The following STXBP5L variants were observed in gnomAD, a reference collection of about 807,000 sequenced individuals.
STXBP5L encodes syntaxin binding protein 5L.
In STXBP5L, 65 loss-of-function variants were observed where a neutral mutation model predicts 144.5. The ratio of observed to expected loss-of-function variants is 0.45; its 90% CI spans 0.37 to 0.55. The LOEUF is 0.55. Ranked by LOEUF, STXBP5L falls within the 20% of genes least tolerant of loss-of-function variation. The probability of loss-of-function intolerance (pLI) is 0.00; values close to 1 mark genes in which losing one functional copy is unlikely to be tolerated. For synonymous variants in STXBP5L, 505 were observed against 469.6 expected (o/e 1.08, Z -0.97); for missense variants, 1,298 against 1,405.5 (o/e 0.92, Z 1.22).
rs974316584 is a variant in STXBP5L at position 121,006,771 on chromosome 3, G to T, written c.288-34929G>T. ...GTGGTGACAAAATCTCTCAGCATTT[G>T]CTTGTCTGTGAAGGATTTTATTTCA... On this transcript the variant is annotated intron_variant, in intron 3 of 26. Coordinates refer to ENST00000471454, the MANE Select transcript of STXBP5L (RefSeq NM_001308330.2). 5.9e-5 allele frequency among the ~76,000 whole-genome samples: 9 copies of T among 152,212 alleles called. No individual in the cohort carries two copies. The South Asian group carries it at 1.2e-3, about 21-fold the overall frequency.
intron 5 of STXBP5L, among the ~76,000 whole-genome samples, chr3:121,046,652 TG>T (rs1221140618): frequency 2.0e-5 from 3 of 152,142 alleles, no homozygotes; most frequent in Non-Finnish European, 4.4e-5. Flanking sequence ...TGCATAGAGG[TG>T]TTCATAGCAG....
intron 7 of STXBP5L, among the ~76,000 whole-genome samples, chr3:121,137,254 A>G (rs12633241): frequency 0.099 from 15,117 of 152,102 alleles, 1,183 homozygotes; most frequent in Admixed American, 0.2. Flanking sequence ...AATAAAAAAA[A>G]TGTTGGTTTT....
intron 3 of STXBP5L, among the ~76,000 whole-genome samples, chr3:121,029,846 C>G (rs546388947): frequency 6.6e-6 from 1 of 150,572 alleles, no homozygotes; most frequent in African/African-American, 2.4e-5. Flanking sequence ...AAAAAAAAAA[C>G]CCCATGAAAA....
intron 22 of STXBP5L, among the ~76,000 whole-genome samples, chr3:121,387,797 G>A (rs183972410): frequency 6.0e-4 from 91 of 152,228 alleles, no homozygotes; most frequent in East Asian, 3.1e-3. Flanking sequence ...TGCTGTTTTC[G>A]TTACTGTAGC....
At chr3:121,034,153 A>T (rs151243401) in intron 3 of STXBP5L, among the ~76,000 whole-genome samples, 2 of 152,104 alleles carry the variant, frequency 1.3e-5, no homozygotes, top group South Asian at 2.1e-4. Context: ...TGAAATTTAT[A>T]TACATTTAAG....
intron 7 of STXBP5L, among the ~76,000 whole-genome samples, chr3:121,150,421 T>C (rs879737694): frequency 1.3e-5 from 2 of 152,116 alleles, no homozygotes; most frequent in Admixed American, 6.6e-5. Flanking sequence ...GTCTAATGTC[T>C]CCTGGATGTC....
In STXBP5L at chr3:121,234,278, T is replaced by G. The variant is rs544126127; in HGVS notation, c.1184+590T>G. Among the ~76,000 whole-genome samples, 5 of 152,298 alleles carry G rather than the reference T, an allele frequency of 3.3e-5. No homozygotes were observed. In the South Asian group the frequency reaches 8.3e-4, roughly 25 times the overall value. On this transcript the variant is annotated intron_variant, in intron 12 of 26. Coordinates refer to ENST00000471454, the MANE Select transcript of STXBP5L (RefSeq NM_001308330.2). ...CCATCATTGTATGTTCTTCGCCCAC[T>G]GATCTTTTAGCCTCATATATTTGTA... is the stretch of plus-strand genomic sequence containing the variant.
rs1411498703 is a variant in STXBP5L at position 120,922,384 on chromosome 3, G to C, written c.189+12617G>C. Among the ~76,000 whole-genome samples, 3 of 151,950 alleles carry C rather than the reference G, an allele frequency of 2.0e-5. No homozygotes were observed. In the East Asian group the frequency reaches 5.8e-4, roughly 29 times the overall value. On this transcript the variant is annotated intron_variant, in intron 2 of 26. Transcript: ENST00000471454. ...TTTTTGGTGGAGTTTTTAGGTTTTT[G>C]TAAGGTAAGGTCATATCACCTGTGA...
intron 5 of STXBP5L, among the ~76,000 whole-genome samples, chr3:121,091,120 A>C (rs537334126): frequency 2.7e-5 from 4 of 149,304 alleles, no homozygotes; most frequent in South Asian, 4.2e-4. Flanking sequence ...ATCATTTTTT[A>C]TGGCTGCATA....
intron 3 of STXBP5L, among the ~76,000 whole-genome samples, chr3:121,011,659 C>CT (rs200667115): frequency 6.6e-6 from 1 of 150,726 alleles, no homozygotes; most frequent in Non-Finnish European, 1.5e-5. Flanking sequence ...GTAATATTCA[C>CT]TTTTAAAAAA....
chr3:120,924,196 A>G (rs1321051912), intron 2 of STXBP5L, among the ~76,000 whole-genome samples: 2 of 152,164 alleles, frequency 1.3e-5, no homozygotes, highest in Non-Finnish European at 2.9e-5. Flanking sequence ...ATTTCACCAC[A>G]CAATCCCACT....
chr3:120,914,960 G>C (rs1709033256), intron 2 of STXBP5L, among the ~76,000 whole-genome samples: 1 of 152,110 alleles, frequency 6.6e-6, no homozygotes, highest in Admixed American at 6.5e-5. Flanking sequence ...TAAGGGTGTA[G>C]GGGCAGGCTT....
intron 20 of STXBP5L, among the ~76,000 whole-genome samples, chr3:121,348,253 T>G (rs1252997891): frequency 6.6e-6 from 1 of 152,108 alleles, no homozygotes. Context: ...ATATGCTGGG[T>G]TATGTTTATT....
chr3:121,379,954 C>T (rs1183746038), intron 21 of STXBP5L, among the ~76,000 whole-genome samples: 2 of 152,110 alleles, frequency 1.3e-5, no homozygotes, highest in African/African-American at 4.8e-5. Context: ...CCTGCCTCAG[C>T]CTCCCAAGCA....
intron 22 of STXBP5L, among the ~76,000 whole-genome samples, chr3:121,389,551 T>C (rs1560047514): frequency 6.6e-6 from 1 of 152,240 alleles, no homozygotes; most frequent in Non-Finnish European, 1.5e-5. Context: ...TACACACTGC[T>C]TTAAACATGT....
At chr3:121,400,905 G>A (rs1241590124) in intron 22 of STXBP5L, among the ~76,000 whole-genome samples, 1 of 152,122 alleles carries the variant, frequency 6.6e-6, no homozygotes, top group African/African-American at 2.4e-5. Flanking sequence ...AATAAAAAAA[G>A]TTAACTTTCC....
intron 3 of STXBP5L, among the ~76,000 whole-genome samples, chr3:120,981,390 A>G (rs1184036460): frequency 6.6e-6 from 1 of 151,956 alleles, no homozygotes; most frequent in Non-Finnish European, 1.5e-5. Flanking sequence ...GCTCATTTTT[A>G]TTCTTTAATT....
chr3:120,998,736 A>G (rs144485026), intron 3 of STXBP5L, among the ~76,000 whole-genome samples: 21 of 152,346 alleles, frequency 1.4e-4, no homozygotes, highest in African/African-American at 4.8e-4. Context: ...ATCCAAGCTG[A>G]GAGTTAAATC....
At chr3:121,319,458 A>G (rs1217449042) in intron 20 of STXBP5L, among the ~76,000 whole-genome samples, 2 of 152,146 alleles carry the variant, frequency 1.3e-5, no homozygotes, top group Non-Finnish European at 2.9e-5. Flanking sequence ...CTTATTCTTC[A>G]GGAATCTAGG....
Sources: allele counts gnomAD v4.1 joint callset (sites outside exome capture counted in the v4.1 genomes callset), GRCh38; gene constraint gnomAD v4.1.1; transcripts MANE v1.5; gene names NCBI Gene and HGNC (gene_info 2026-07-23, HGNC 2026-07-21).